The following EML6 variants were observed in gnomAD, a reference collection of about 807,000 sequenced individuals.
EML6 encodes the protein EMAP like 6.
A neutral mutation model predicts 240.1 loss-of-function variants in EML6; 154 were observed. The ratio of observed to expected loss-of-function variants is 0.64; its 90% confidence interval spans 0.56 to 0.73. The LOEUF is 0.73. EML6 is among the 30% of genes least tolerant of loss of function. The probability of loss-of-function intolerance (pLI) is 0.00; values close to 1 mark genes in which losing one functional copy is unlikely to be tolerated. For missense variants in EML6, 2,964 were observed against 2,474.6 expected, an observed-to-expected ratio of 1.20 and a Z score of -4.20; for synonymous variants, 1,148 against 899.0, an observed-to-expected ratio of 1.28 and a Z score of -4.95.
chr2:54,775,538 C>T (rs768267541), intron 2 of EML6, among the ~76,000 whole-genome samples: 26 of 152,224 alleles, frequency 1.7e-4, no homozygotes, highest in Non-Finnish European at 3.7e-4. Context: ...CCTCTTGTCA[C>T]CCTTTATCTC....
intron 7 of EML6, among the ~76,000 whole-genome samples, chr2:54,837,961 G>A (rs1339172897): frequency 2.6e-5 from 4 of 152,196 alleles, no homozygotes; most frequent in Admixed American, 2.6e-4. Flanking sequence ...GCCTCTGCCT[G>A]CTTTCAGTTT....
rs529869926 is a variant in EML6, at chr2:54,885,881, G to A, written c.2439-5173G>A. Reference sequence around the variant, plus strand: ...CTGCCTCGGCCTCCCAAAGTGCTGAGATTACAGGCGTGAGCCACCACGTCC... The same window carrying A: ...CTGCCTCGGCCTCCCAAAGTGCTGAAATTACAGGCGTGAGCCACCACGTCC... On this transcript the variant is annotated intron_variant, in intron 17 of 41. Transcript: ENST00000356458. Among the ~76,000 whole-genome samples the A allele has an allele frequency of 2.6e-5, 4 of 152,270 alleles. No individual in the cohort carries two copies. The East Asian group carries it at 7.7e-4, about 29-fold the overall frequency.
chr2:54,913,189 G>T (rs1030545141), intron 25 of EML6, among the ~76,000 whole-genome samples: 2 of 139,948 alleles, frequency 1.4e-5, no homozygotes, highest in East Asian at 4.4e-4. Flanking sequence ...TTTCATATTT[G>T]TTGGCTGCTT....
At chr2:54,940,425 A>T (rs1675369458) in intron 28 of EML6, among the ~76,000 whole-genome samples, 1 of 151,930 alleles carries the variant, frequency 6.6e-6, no homozygotes, top group Non-Finnish European at 1.5e-5. Flanking sequence ...TTAATCCTTG[A>T]TTCCTTAATT....
chr2:54,801,417 G>C (rs1670139625), intron 2 of EML6, among the ~76,000 whole-genome samples: 1 of 152,174 alleles, frequency 6.6e-6, no homozygotes, highest in South Asian at 2.1e-4. Context: ...GTCAGCCTTG[G>C]CCTGAAGTGA....
At chr2:54,929,270 C>G (rs1055121188) in intron 28 of EML6, among the ~76,000 whole-genome samples, 4 of 152,192 alleles carry the variant, frequency 2.6e-5, no homozygotes, top group African/African-American at 7.2e-5. Context: ...CATTTCCAGC[C>G]TATCCCATTT....
At chr2:54,804,981 T>C (rs893292432) in intron 2 of EML6, among the ~76,000 whole-genome samples, 1 of 152,242 alleles carries the variant, frequency 6.6e-6, no homozygotes, top group East Asian at 1.9e-4. Flanking sequence ...CTTTAGGTTA[T>C]ATTTTCATAC....
chr2:54,790,828 C>G (rs1669402517), intron 2 of EML6, among the ~76,000 whole-genome samples: 1 of 151,032 alleles, frequency 6.6e-6, no homozygotes, highest in African/African-American at 2.4e-5. Flanking sequence ...CAGGTTCACA[C>G]CATTCTCCTG....
At chr2:54,893,001 A>T (rs1489803639) in intron 19 of EML6, among the ~76,000 whole-genome samples, 4 of 152,188 alleles carry the variant, frequency 2.6e-5, no homozygotes, top group Non-Finnish European at 5.9e-5. Flanking sequence ...CCTTGGTGAC[A>T]CAATGGGCAG....
Position 54,844,138 on chromosome 2 carries a change from A to G in EML6, c.939A>G (p.Arg313=), listed in dbSNP as rs1353069354. The part of the protein sequence containing the change: ...SEIFEVIVRE[R]DKPMLILQGH... ...TATTTGAAGTGATTGTGCGAGAGCGAGACAAGCCGATGTTGATCCTACAGG... is the reference window on the plus strand; with the variant it reads ...TATTTGAAGTGATTGTGCGAGAGCGGGACAAGCCGATGTTGATCCTACAGG... The change falls in exon 8 of 42, where the codon CGA becomes CGG. Residue 313 remains arginine, a synonymous_variant. Coordinates refer to ENST00000356458, the MANE Select transcript of EML6 (RefSeq NM_001039753.4). 1.9e-6 allele frequency: 3 copies of G among 1,551,704 alleles called. No homozygotes were observed. Among genetic ancestry groups the G allele is most frequent in the African/African-American group, 1.4e-5 (1 of 73,158 alleles).
intron 24 of EML6, 66 bp from the exon 25 acceptor site, chr2:54,910,888 C>T (rs1429646857): frequency 1.3e-6 from 1 of 783,388 alleles, no homozygotes; most frequent in African/African-American, 1.7e-5. Context: ...ACCCATGCTT[C>T]TCATTTTATA....
chr2:54,811,563 T>G (rs1009850696), intron 2 of EML6, among the ~76,000 whole-genome samples: 1 of 151,492 alleles, frequency 6.6e-6, no homozygotes, highest in African/African-American at 2.4e-5. Flanking sequence ...GAAAGTGGGC[T>G]CCTTCAAAGA....
intron 16 of EML6, among the ~76,000 whole-genome samples, chr2:54,876,523 T>C (rs1413740463): frequency 6.6e-6 from 1 of 152,230 alleles, no homozygotes; most frequent in Non-Finnish European, 1.5e-5. Flanking sequence ...AATCAGCTTA[T>C]CCTTAGGCCT....
chr2:54,835,069 ACT>A (rs1669067890), intron 7 of EML6, among the ~76,000 whole-genome samples: 1 of 151,860 alleles, frequency 6.6e-6, no homozygotes, highest in African/African-American at 2.4e-5. Context: ...TGCCTGTGAC[ACT>A]CTTGCCTAGA....
At chr2:54,890,242 T>C (rs893857237) in intron 17 of EML6, among the ~76,000 whole-genome samples, 5 of 152,248 alleles carry the variant, frequency 3.3e-5, no homozygotes, top group African/African-American at 9.6e-5. Context: ...ATGTATTGTT[T>C]TTAATATGCT....
intron 28 of EML6, among the ~76,000 whole-genome samples, chr2:54,937,270 C>G (rs1360715961): frequency 7.2e-6 from 1 of 138,188 alleles, no homozygotes. Context: ...AAGAGCGAAA[C>G]TCTGTCTCAA....
chr2:54,849,841 C>T, intron 9 of EML6, 121 bp from the exon 10 acceptor site: 1 of 775,282 alleles, frequency 1.3e-6, no homozygotes, highest in South Asian at 1.9e-5. Flanking sequence ...AAAGTTAATC[C>T]TTTAATTCCT....
chr2:54,832,381 A>G (rs1436079055), intron 7 of EML6, among the ~76,000 whole-genome samples: 3 of 152,178 alleles, frequency 2.0e-5, no homozygotes, highest in Non-Finnish European at 2.9e-5. Context: ...CACCTTCCAT[A>G]GCTCCGAACA....
intron 17 of EML6, among the ~76,000 whole-genome samples, chr2:54,888,074 C>G (rs1672250644): frequency 6.6e-6 from 1 of 152,238 alleles, no homozygotes; most frequent in African/African-American, 2.4e-5. Context: ...TACTATGCCA[C>G]CAGCTTTTGT....
Sources: gnomAD v4.1 joint callset for allele counts (sites outside exome capture counted in the v4.1 genomes callset) on GRCh38, gnomAD v4.1.1 for gene constraint, MANE v1.5 for transcripts, NCBI Gene and HGNC (gene_info 2026-07-23, HGNC 2026-07-21) for gene names.